Variants in MAP2K5 observed in about 807,000 individuals in gnomAD.
MAP2K5 encodes the protein mitogen-activated protein kinase kinase 5, also known as dual specificity mitogen-activated protein kinase kinase 5.
In MAP2K5, 49 loss-of-function variants were observed where a neutral mutation model predicts 83.1. The observed-to-expected ratio is 0.59, with a 90% CI of 0.47 to 0.75. MAP2K5 has a LOEUF of 0.75. MAP2K5 is among the 30% of genes least tolerant of loss of function. The pLI is 0.00. For missense variants in MAP2K5, 457 were observed against 557.5 expected, an observed-to-expected ratio of 0.82 and a Z score of 1.82; for synonymous variants, 202 against 191.8, an observed-to-expected ratio of 1.05 and a Z score of -0.44.
At chr15:67,603,855 A>C (rs1330751344) in intron 8 of MAP2K5, among the ~76,000 whole-genome samples, 1 of 152,236 alleles carries the variant, frequency 6.6e-6, no homozygotes, top group Non-Finnish European at 1.5e-5. Flanking sequence ...GCTATGCTAC[A>C]TAAACTAGAT....
Position 67,744,462 on chromosome 15 carries a change from A to G in MAP2K5, c.1075-3769A>G, listed in dbSNP as rs141739936. On this transcript the variant is annotated intron_variant, in intron 17 of 21. Coordinates refer to ENST00000178640, the MANE Select transcript of MAP2K5 (RefSeq NM_145160.3). ...AAAATTTGTCAACTGATATTGGAAG[A>G]TCTGACCTAGGTCACACATAAATCT... 7.5e-4 allele frequency among the ~76,000 whole-genome samples: 114 copies of G among 152,386 alleles called. 1 individual carries two copies. The highest frequency in any genetic ancestry group is 2.6e-3 in the African/African-American group (110 of 41,596).
intron 16 of MAP2K5, among the ~76,000 whole-genome samples, chr15:67,704,716 C>T (rs1406611535): frequency 6.6e-6 from 1 of 152,118 alleles, no homozygotes; most frequent in Non-Finnish European, 1.5e-5. Context: ...CTGAGTCTCC[C>T]AACAGAATCC....
intron 19 of MAP2K5, among the ~76,000 whole-genome samples, chr15:67,756,443 G>A (rs891868985): frequency 6.6e-6 from 1 of 151,124 alleles, no homozygotes; most frequent in African/African-American, 2.4e-5. Context: ...ACAATGTGAT[G>A]TTTTGATAAA....
chr15:67,747,727 G>C lies in MAP2K5; in HGVS notation c.1075-504G>C, dbSNP rs569639881. ...AGTTGTTACCCCACTCCTAAGTTAG[G>C]TGCAAATACTTCAACTACATAATTA... On this transcript the variant is annotated intron_variant, in intron 17 of 21. Transcript: ENST00000178640. This position sits in a 1 kb window ranked among gnomAD's most constrained non-coding sequence, Gnocchi z 4.1. Among the ~76,000 whole-genome samples, 173 of 152,296 alleles carry C rather than the reference G, an allele frequency of 1.1e-3. 1 individual carries two copies. The highest frequency in any genetic ancestry group is 4.0e-3 in the African/African-American group (167 of 41,558).
chr15:67,610,641 T>C (rs777769459), intron 8 of MAP2K5, among the ~76,000 whole-genome samples: 2 of 152,170 alleles, frequency 1.3e-5, no homozygotes, highest in Non-Finnish European at 2.9e-5. Flanking sequence ...TTGGTTACTT[T>C]GATGTAGGGG....
At chr15:67,654,589 A>G (rs2087024732) in intron 11 of MAP2K5, among the ~76,000 whole-genome samples, 1 of 152,080 alleles carries the variant, frequency 6.6e-6, no homozygotes, top group Non-Finnish European at 1.5e-5. Context: ...CATGTCTTTC[A>G]TGTTCTGTTG....
At chr15:67,805,667 G>A (rs996107372) in intron 21 of MAP2K5, among the ~76,000 whole-genome samples, 1 of 152,170 alleles carries the variant, frequency 6.6e-6, no homozygotes, top group Non-Finnish European at 1.5e-5. Flanking sequence ...GGCACATGGC[G>A]CCCTCATCTC....
intron 8 of MAP2K5, among the ~76,000 whole-genome samples, chr15:67,609,007 G>T (rs968161636): frequency 6.6e-6 from 1 of 152,116 alleles, no homozygotes; most frequent in African/African-American, 2.4e-5. Context: ...ACAATGTGTT[G>T]TTCATTGCTG....
At chr15:67,678,932 C>G (rs2087745154) in intron 13 of MAP2K5, among the ~76,000 whole-genome samples, 1 of 144,392 alleles carries the variant, frequency 6.9e-6, no homozygotes, top group East Asian at 2.0e-4. Context: ...CCACTGCACT[C>G]CAGCCTGGCA....
In MAP2K5 at chr15:67,677,761, T is replaced by G. The variant is rs576587068; in HGVS notation, c.847+13116T>G. ...TTCACCACTTTAGAAGGAAATCTCT[T>G]TTACTTACTATGAAAGGATTAAGAG... On this transcript the variant is annotated intron_variant, in intron 13 of 21. Transcript: ENST00000178640. The surrounding 1 kb of genome is among the most constrained non-coding windows in gnomAD (Gnocchi z 4.2). 3.5e-4 allele frequency among the ~76,000 whole-genome samples: 54 copies of G among 152,148 alleles called. No homozygotes were observed. The highest frequency in any genetic ancestry group is 6.8e-4 in the Non-Finnish European group (46 of 68,014).
chr15:67,586,986 TAGAA>T, intron 6 of MAP2K5, 73 bp downstream of exon 6: 1 of 1,481,154 alleles, frequency 6.8e-7, no homozygotes, highest in East Asian at 2.3e-5. Context: ...GGGAAGAAGC[TAGAA>T]AGAAATTTGA....
chr15:67,593,880 C>T (rs1398565363), intron 7 of MAP2K5, among the ~76,000 whole-genome samples: 1 of 152,226 alleles, frequency 6.6e-6, no homozygotes, highest in African/African-American at 2.4e-5. Flanking sequence ...GCCTCACTGG[C>T]ATTTCATGAA....
In MAP2K5 at chr15:67,637,928, G is replaced by GTGTGTA. The variant is rs149692361; in HGVS notation, c.585+7004_585+7005insGTATGT. Among the ~76,000 whole-genome samples the GTGTGTA allele has an allele frequency of 6.6e-6, 1 of 150,694 alleles. No individual in the cohort carries two copies. Among genetic ancestry groups the GTGTGTA allele is most frequent in the East Asian group, 1.9e-4 (1 of 5,148 alleles). Reference sequence around the variant, plus strand: ...CCTGTTGATGTGTGTGTGAGTGTGTGTGTATGTGTGTTTTAGTACCTCTTC... The same window carrying GTGTGTA: ...CCTGTTGATGTGTGTGTGAGTGTGTGTGTGTATGTATGTGTGTTTTAGTACCTCTTC... On this transcript the variant is annotated intron_variant, in intron 9 of 21. Transcript: ENST00000178640. The surrounding 1 kb of genome is among the most constrained non-coding windows in gnomAD (Gnocchi z 4.5).
chr15:67,574,354 G>T (rs923929141), intron 3 of MAP2K5, among the ~76,000 whole-genome samples: 6 of 151,968 alleles, frequency 3.9e-5, no homozygotes, highest in African/African-American at 1.4e-4. Context: ...GGTGGATCAC[G>T]TGAGGTCAGG....
intron 1 of MAP2K5, among the ~76,000 whole-genome samples, chr15:67,547,455 C>CA (rs1210687618): frequency 1.9e-4 from 24 of 128,748 alleles, no homozygotes; most frequent in African/African-American, 7.0e-4. Context: ...TTTCTTTTTT[C>CA]TTTTTTTTTT....
intron 16 of MAP2K5, among the ~76,000 whole-genome samples, chr15:67,714,493 GTTGTGGCT>G (rs1165490253): frequency 1.5e-5 from 2 of 137,804 alleles, no homozygotes; most frequent in South Asian, 2.3e-4. Flanking sequence ...TGGGTGTGTG[GTTGTGGCT>G]TTGTTTGCTT....
rs56090924 is a variant in MAP2K5, at chr15:67,592,981, A to G, written c.480+7A>G. ...AATACTAGCCAATGGCCAGGTAGGT[A>G]TTATTATATATTAAGATTTTCACAT... On this transcript the variant is annotated splice_region_variant and intron_variant, in intron 7 of 21. Transcript: ENST00000178640. The G allele has an allele frequency of 0.029, 45,820 of 1,556,680 alleles. 814 individuals are homozygous for G. The highest frequency in any genetic ancestry group is 0.032 in the Non-Finnish European group (36,340 of 1,133,662).
intron 21 of MAP2K5, among the ~76,000 whole-genome samples, chr15:67,798,726 A>G (rs1303886721): frequency 6.6e-6 from 1 of 152,186 alleles, no homozygotes; most frequent in Non-Finnish European, 1.5e-5. Flanking sequence ...TTGGGGAAAA[A>G]CATCTATTTC....
intron 3 of MAP2K5, among the ~76,000 whole-genome samples, chr15:67,579,046 A>G (rs1276135685): frequency 1.3e-5 from 2 of 152,260 alleles, no homozygotes; most frequent in African/African-American, 4.8e-5. Context: ...AGCATTAACT[A>G]TAGGAGAACA....
Sources: gnomAD v4.1 joint callset for allele counts (sites outside exome capture counted in the v4.1 genomes callset) on GRCh38, gnomAD v4.1.1 for gene constraint, Gnocchi (gnomAD v3.1) non-coding constraint, MANE v1.5 for transcripts, NCBI Gene and HGNC (gene_info 2026-07-23, HGNC 2026-07-21) for gene names.